Variants in CSMD1 observed in about 807,000 individuals in gnomAD.
The protein encoded by CSMD1 is CUB and Sushi multiple domains 1.
CSMD1 carries 213 observed loss-of-function variants against 417.5 expected under a neutral mutation model. The ratio of observed to expected loss-of-function variants is 0.51; its 90% CI spans 0.46 to 0.57. The LOEUF (loss-of-function observed/expected upper bound fraction) is 0.57, where lower values mean the gene tolerates loss of function less well. CSMD1 is among the 20% of genes least tolerant of loss of function. CSMD1 has a pLI of 0.00. For synonymous variants in CSMD1, 2,862 were observed against 1,736.8 expected (o/e 1.65, Z -16.11); for missense variants, 6,923 against 4,529.7 (o/e 1.53, Z -15.17).
chr8:4,956,341 A>C (rs1047936430), intron 1 of CSMD1, among the ~76,000 whole-genome samples: 1 of 151,492 alleles, frequency 6.6e-6, no homozygotes, highest in African/African-American at 2.4e-5. Flanking sequence ...AACATCCACT[A>C]TAAATGTATA....
At chr8:4,743,238 T>C (rs972773429) in intron 1 of CSMD1, among the ~76,000 whole-genome samples, 1 of 152,202 alleles carries the variant, frequency 6.6e-6, no homozygotes, top group Non-Finnish European at 1.5e-5. Context: ...AGACATAATC[T>C]ATTTTAAAAT....
intron 5 of CSMD1, among the ~76,000 whole-genome samples, chr8:3,808,349 G>T (rs1022618651): frequency 7.2e-5 from 11 of 152,022 alleles, no homozygotes; most frequent in African/African-American, 2.4e-4. Context: ...GGAAATGTTT[G>T]GGTCTTGGTA....
intron 1 of CSMD1, among the ~76,000 whole-genome samples, chr8:4,698,724 C>T (rs532234859): frequency 1.3e-5 from 2 of 148,622 alleles, no homozygotes; most frequent in Admixed American, 1.4e-4. Context: ...CCACCTTCTC[C>T]CTTCCTTCTT....
chr8:3,849,809 C>T (rs114446922), intron 5 of CSMD1, among the ~76,000 whole-genome samples: 2 of 137,232 alleles, frequency 1.5e-5, no homozygotes, highest in Admixed American at 7.2e-5. Context: ...CAGAGTATAT[C>T]TTTTTTTGTT....
At chr8:4,973,604 C>T (rs997862584) in intron 1 of CSMD1, among the ~76,000 whole-genome samples, 3 of 152,158 alleles carry the variant, frequency 2.0e-5, no homozygotes, top group Non-Finnish European at 4.4e-5. Flanking sequence ...TTAAAGTGTT[C>T]TCTAATTTCG....
intron 1 of CSMD1, among the ~76,000 whole-genome samples, chr8:4,675,474 T>C (rs917597733): frequency 6.6e-6 from 1 of 152,130 alleles, no homozygotes; most frequent in African/African-American, 2.4e-5. Flanking sequence ...TAAAGAACAA[T>C]ACACGGATAA....
intron 1 of CSMD1, among the ~76,000 whole-genome samples, chr8:4,865,777 T>C (rs1231935070): frequency 6.6e-6 from 1 of 151,830 alleles, no homozygotes; most frequent in African/African-American, 2.4e-5. Context: ...AAACAAAACC[T>C]CAATCTATGC....
At chr8:3,284,008 A>G in intron 26 of CSMD1, 136 bp downstream of exon 26, 1 of 788,494 alleles carries the variant, frequency 1.3e-6, no homozygotes, top group East Asian at 2.7e-5. Flanking sequence ...TGCAACATGC[A>G]TTTTCCTAAC....
At chr8:3,121,639 T>C (rs1817211794) in intron 41 of CSMD1, among the ~76,000 whole-genome samples, 2 of 152,016 alleles carry the variant, frequency 1.3e-5, no homozygotes, top group Non-Finnish European at 2.9e-5. Flanking sequence ...ACCTACTATC[T>C]AAAGATGTAA....
rs570396451 is a variant in CSMD1 at position 3,948,800 on chromosome 8, T to C, written c.818+49103A>G. ...CTATTACAATCAAAAGCAGTTTTAC[T>C]ACCCAGTTATCATTTTGAAGAGACA... On this transcript the variant is annotated intron_variant, in intron 5 of 69. Coordinates refer to ENST00000635120, the MANE Select transcript of CSMD1 (RefSeq NM_033225.6). 4.4e-4 allele frequency among the ~76,000 whole-genome samples: 66 copies of C among 150,726 alleles called. No homozygotes were observed. In the South Asian group the frequency reaches 0.013, roughly 30 times the overall value.
In CSMD1 at chr8:3,551,594, ATATTTTTTTTT is replaced by A. The variant is rs1206025443; in HGVS notation, c.1344+23340_1344+23350del. Among the ~76,000 whole-genome samples the A allele has an allele frequency of 1.5e-4, 16 of 103,742 alleles. No homozygotes were observed. The South Asian group carries it at 2.4e-3, about 15-fold the overall frequency. The allele number at this position is 103,742 out of a possible 152,430, so 68.1% of individuals were successfully genotyped here. A position where few individuals can be genotyped will look rare whatever the true frequency, so the allele number is the denominator to read the frequency against. ...AATAAATATGTATATATATATATAT[ATATTTTTTTTT>A]TTTTTTTTTCTGAAGATACATTATG... On this transcript the variant is annotated intron_variant, in intron 10 of 69. Coordinates refer to ENST00000635120, the MANE Select transcript of CSMD1 (RefSeq NM_033225.6).
chr8:3,664,134 G>C lies in CSMD1; in HGVS notation c.1009+44280C>G, dbSNP rs138286138. ...GCCATGTTGGTTTGCTGCACCCATT[G>C]ACTCGTCATTTAACATTAGGTATTT... is the stretch of plus-strand genomic sequence containing the variant. On this transcript the variant is annotated intron_variant, in intron 7 of 69. Transcript: ENST00000635120. Among the ~76,000 whole-genome samples, 74 of 152,098 alleles carry C rather than the reference G, an allele frequency of 4.9e-4. 1 individual carries two copies. Among genetic ancestry groups the C allele is most frequent in the African/African-American group, 1.7e-3 (71 of 41,494 alleles).
chr8:4,021,839 G>C (rs1408504674), intron 4 of CSMD1, among the ~76,000 whole-genome samples: 2 of 152,024 alleles, frequency 1.3e-5, no homozygotes, highest in Non-Finnish European at 2.9e-5. Flanking sequence ...GGCTCTAGTT[G>C]GCTCAGAGAT....
chr8:4,834,037 C>A (rs901018744), intron 1 of CSMD1, among the ~76,000 whole-genome samples: 2 of 152,130 alleles, frequency 1.3e-5, no homozygotes, highest in African/African-American at 4.8e-5. Flanking sequence ...CGTACGTGGC[C>A]AGTAGGTGCC....
chr8:3,733,960 T>G (rs1584919507), intron 6 of CSMD1, among the ~76,000 whole-genome samples: 1 of 152,232 alleles, frequency 6.6e-6, no homozygotes. Context: ...GTCCTGAAAC[T>G]TATCCTTCAA....
intron 1 of CSMD1, among the ~76,000 whole-genome samples, chr8:4,843,796 T>A (rs1800974843): frequency 6.6e-6 from 1 of 152,224 alleles, no homozygotes; most frequent in Non-Finnish European, 1.5e-5. Context: ...ATGAACAAAC[T>A]GATACAACGT....
Position 3,585,601 on chromosome 8 carries a change from G to A in CSMD1, c.1222+535C>T, listed in dbSNP as rs1800566177. Among the ~76,000 whole-genome samples, 4 of 152,074 alleles carry A rather than the reference G, an allele frequency of 2.6e-5. No individual in the cohort carries two copies. The South Asian group carries it at 6.2e-4, about 24-fold the overall frequency. On this transcript the variant is annotated intron_variant, in intron 9 of 69. Coordinates refer to ENST00000635120, the MANE Select transcript of CSMD1 (RefSeq NM_033225.6). ...AATTTAACCTTTGCTGACTTCGTAT[G>A]TTTTATTAGAAAATGATGATGACAA...
intron 3 of CSMD1, among the ~76,000 whole-genome samples, chr8:4,044,538 A>C (rs1164678941): frequency 6.6e-6 from 1 of 152,194 alleles, no homozygotes; most frequent in African/African-American, 2.4e-5. Context: ...AGGACACTTC[A>C]TTCCATCTGT....
intron 5 of CSMD1, among the ~76,000 whole-genome samples, chr8:3,983,449 A>G (rs1480236665): frequency 6.6e-6 from 1 of 152,080 alleles, no homozygotes; most frequent in Non-Finnish European, 1.5e-5. Flanking sequence ...CACATCTAAA[A>G]TTACCTATAA....
Sources: gnomAD v4.1 joint callset for allele counts (sites outside exome capture counted in the v4.1 genomes callset) on GRCh38, gnomAD v4.1.1 for gene constraint, MANE v1.5 for transcripts, NCBI Gene and HGNC (gene_info 2026-07-23, HGNC 2026-07-21) for gene names.